The following SMG1 variants were observed in gnomAD, a reference collection of about 807,000 sequenced individuals.
SMG1 encodes the protein SMG1 nonsense mediated mRNA decay associated PI3K related kinase.
In SMG1, 22 loss-of-function variants were observed where a neutral mutation model predicts 419.9. The observed-to-expected ratio is 0.05, with a 90% CI of 0.04 to 0.07. The LOEUF is 0.07. Among genes scored for constraint, SMG1 ranks in the 10% least tolerant of loss-of-function variants. The pLI, the probability that SMG1 is intolerant of heterozygous loss-of-function variation, is 1.00. For synonymous variants in SMG1, 1,538 were observed against 1,553.5 expected, an observed-to-expected ratio of 0.99 and a Z score of 0.23; for missense variants, 3,185 against 4,342.0, an observed-to-expected ratio of 0.73 and a Z score of 7.49.
chr16:18,819,780 A>G (rs1479735769), intron 55 of SMG1, 126 bp from the exon 56 acceptor site: 3 of 988,842 alleles, frequency 3.0e-6, no homozygotes, highest in Admixed American at 3.5e-5. Flanking sequence ...TTAGAAAACA[A>G]AAGTTTTAAC....
chr16:18,919,758 A>G (rs2038122547), intron 1 of SMG1, among the ~76,000 whole-genome samples: 1 of 151,824 alleles, frequency 6.6e-6, no homozygotes. Flanking sequence ...CTGTTATAAA[A>G]AACAAACAAA....
intron 56 of SMG1, 31 bp downstream of exon 56, chr16:18,819,471 A>G (rs1196636649): frequency 1.9e-6 from 3 of 1,601,218 alleles, no homozygotes; most frequent in Admixed American, 3.4e-5. Context: ...GTAAAAGTGA[A>G]TACAAAGATG....
intron 1 of SMG1, among the ~76,000 whole-genome samples, chr16:18,898,411 C>A (rs1205931399): frequency 6.8e-6 from 1 of 147,804 alleles, no homozygotes; most frequent in Non-Finnish European, 1.5e-5. Context: ...TATGGAATTT[C>A]AAGAAAAATG....
chr16:18,836,443 G>C lies in SMG1; in HGVS notation c.7694C>G (p.Thr2565Arg). The change falls in exon 47 of 63, where the codon ACA (threonine) becomes AGA (arginine). Residue 2565 changes from threonine (T) to arginine (R), a missense_variant. Coordinates refer to ENST00000446231, the MANE Select transcript of SMG1 (RefSeq NM_015092.5). ...VKLNEFEQWITHYQAAFNNLE... is the reference protein window; with the variant it reads ...VKLNEFEQWIRHYQAAFNNLE... ...ATTATTGAATGCAGCCTGATAATGT[G>C]TTATCCATTGTTCAAATTCATTCAG... The C allele has an allele frequency of 6.2e-7, 1 of 1,614,032 alleles. No individual in the cohort carries two copies. The highest frequency in any genetic ancestry group is 8.5e-7 in the Non-Finnish European group (1 of 1,179,882).
At chr16:18,913,868 C>T (rs1158204132) in intron 1 of SMG1, among the ~76,000 whole-genome samples, 1 of 151,932 alleles carries the variant, frequency 6.6e-6, no homozygotes, top group African/African-American at 2.4e-5. Flanking sequence ...AATTCTGGTA[C>T]CAGAAATCCC....
At chr16:18,898,241 GGT>G (rs1185169613) in intron 1 of SMG1, among the ~76,000 whole-genome samples, 1 of 152,084 alleles carries the variant, frequency 6.6e-6, no homozygotes, top group Non-Finnish European at 1.5e-5. Context: ...ATATCTAACT[GGT>G]ACAAGTCATT....
chr16:18,904,878 T>C (rs1252665018), intron 1 of SMG1, among the ~76,000 whole-genome samples: 3 of 152,048 alleles, frequency 2.0e-5, no homozygotes, highest in Non-Finnish European at 2.9e-5. Flanking sequence ...GAGGCTGCAG[T>C]GAGCCGAGAT....
chr16:18,816,588 T>C (rs577248901), intron 57 of SMG1, 59 bp from the exon 58 acceptor site: 1 of 1,367,710 alleles, frequency 7.3e-7, no homozygotes, highest in South Asian at 1.3e-5. Context: ...GAGTTCTTTC[T>C]TCATTAACAT....
chr16:18,831,736 C>G (rs2033187422), intron 51 of SMG1, among the ~76,000 whole-genome samples: 1 of 118,100 alleles, frequency 8.5e-6, no homozygotes, highest in Non-Finnish European at 1.6e-5. Flanking sequence ...AGCCTAGCGA[C>G]ACAGCAAGAC....
intron 10 of SMG1, among the ~76,000 whole-genome samples, chr16:18,880,611 A>T (rs2036340014): frequency 6.7e-6 from 1 of 149,880 alleles, no homozygotes; most frequent in Admixed American, 6.7e-5. Flanking sequence ...ACTACTTGAG[A>T]GGCTGAGGTG....
intron 57 of SMG1, 70 bp downstream of exon 57, chr16:18,817,221 A>G (rs1811913956): frequency 2.4e-6 from 3 of 1,269,086 alleles, no homozygotes; most frequent in Admixed American, 5.8e-5. Flanking sequence ...ATCGGAATGT[A>G]TATATTAAAT....
At chr16:18,812,312 G>A (rs571505808) in intron 60 of SMG1, 185 bp from the exon 61 acceptor site, 3 of 556,724 alleles carry the variant, frequency 5.4e-6, no homozygotes, top group Admixed American at 3.6e-5. Flanking sequence ...AGACATTCAG[G>A]TATGAATTTG....
chr16:18,872,483 A>G lies in SMG1; in HGVS notation c.2021+11T>C, dbSNP rs771179106. ...TGTGGGGTTCTTAAGAAAAATTTGT[A>G]AATACAGTACCTGGTACAATGAGAA... On this transcript the variant is annotated intron_variant, in intron 14 of 62. Coordinates refer to ENST00000446231, the MANE Select transcript of SMG1 (RefSeq NM_015092.5). 1.3e-6 allele frequency: 2 copies of G among 1,539,236 alleles called. No homozygotes were observed. The highest frequency in any genetic ancestry group is 2.8e-5 in the African/African-American group (2 of 71,896).
chr16:18,826,869 CTTGCAG>C (rs938026434), intron 55 of SMG1, among the ~76,000 whole-genome samples: 1 of 45,900 alleles, frequency 2.2e-5, no homozygotes, highest in African/African-American at 7.2e-5. Context: ...TCGTTGCCGC[CTTGCAG>C]TTTGATCTCA....
Position 18,805,750 on chromosome 16 carries a change from G to A in SMG1, c.*3819C>T, listed in dbSNP as rs1377943270. ...AGTAATTCTACCTCCTTGGCTTATG[G>A]GGGGAAAAGTCCTAGTTTTAAATTG... On this transcript the variant is annotated 3_prime_UTR_variant, in exon 63 of 63. Coordinates refer to ENST00000446231, the MANE Select transcript of SMG1 (RefSeq NM_015092.5). 6.6e-6 allele frequency: 1 copy of A among 152,068 alleles called. No homozygotes were observed. Among genetic ancestry groups the A allele is most frequent in the African/African-American group, 2.4e-5 (1 of 41,390 alleles). 9.4% of individuals were successfully genotyped at this position (152,068 alleles called of 1,614,324 possible). A position where few individuals can be genotyped will look rare whatever the true frequency, so the allele number is the denominator to read the frequency against.
In SMG1 at chr16:18,853,659, G is replaced by A. The variant is rs746874186; in HGVS notation, c.4692C>T (p.Asn1564=). The change falls in exon 31 of 63, where the codon AAC becomes AAT. Residue 1564 remains asparagine, a synonymous_variant. Transcript: ENST00000446231. ...NFTGLSTLSK[N]ILTLIELPSV... ...ATGGCAGTTCTATTAGAGTGAGTAT[G>A]TTTTTAGACAAAGTAGAAAGACCTG... The A allele has an allele frequency of 1.9e-6, 3 of 1,612,692 alleles. No individual in the cohort carries two copies. The highest frequency in any genetic ancestry group is 2.2e-5 in the South Asian group (2 of 90,766).
intron 1 of SMG1, among the ~76,000 whole-genome samples, chr16:18,901,188 T>A (rs2037332521): frequency 6.6e-6 from 1 of 152,122 alleles, no homozygotes; most frequent in Non-Finnish European, 1.5e-5. Flanking sequence ...GTATTAAGTG[T>A]CTATAATAAC....
At chr16:18,845,058 T>C (rs567953335) in intron 39 of SMG1, among the ~76,000 whole-genome samples, 1 of 152,358 alleles carries the variant, frequency 6.6e-6, no homozygotes, top group Non-Finnish European at 1.5e-5. Flanking sequence ...GCTCTCCTTG[T>C]GAAAAACTAC....
Position 18,868,625 on chromosome 16 carries a change from G to A in SMG1, c.2928C>T (p.Asn976=), listed in dbSNP as rs1181601481. ...GCAGAAGAAGAACAAGTCTAAGTTG[G>A]TTGTTACCATGGCCTTCATCATTGT... ...TADNDEGHGN[N]QLRLVLLLQY... The change falls in exon 21 of 63, where the codon AAC becomes AAT. Residue 976 remains asparagine, a synonymous_variant. Coordinates refer to ENST00000446231, the MANE Select transcript of SMG1 (RefSeq NM_015092.5). The A allele has an allele frequency of 1.0e-5, 16 of 1,583,322 alleles. No homozygotes were observed. The highest frequency in any genetic ancestry group is 5.0e-5 in the Admixed American group (3 of 59,936).
Sources: allele counts gnomAD v4.1 joint callset (sites outside exome capture counted in the v4.1 genomes callset), GRCh38; gene constraint gnomAD v4.1.1; transcripts MANE v1.5; gene names NCBI Gene and HGNC (gene_info 2026-07-23, HGNC 2026-07-21).